The following PLCL1 variants were observed in gnomAD, a reference collection of about 807,000 sequenced individuals.
The protein encoded by PLCL1 is phospholipase C like 1 (inactive), also known as inactive phospholipase C-like protein 1.
A neutral mutation model predicts 84.4 loss-of-function variants in PLCL1; 41 were observed. The ratio of observed to expected loss-of-function variants is 0.49; its 90% CI spans 0.38 to 0.63. The LOEUF is 0.63. Among genes scored for constraint, PLCL1 ranks in the 30% least tolerant of loss-of-function variants. The pLI is 0.00. For synonymous variants in PLCL1, 490 were observed against 488.3 expected (o/e 1.00, Z -0.05); for missense variants, 1,206 against 1,367.8 (o/e 0.88, Z 1.87).
intron 1 of PLCL1, among the ~76,000 whole-genome samples, chr2:197,911,826 T>TCCAGTTTATGCTGCCCTTGAGTC (rs1688489686): frequency 6.6e-6 from 1 of 152,174 alleles, no homozygotes; most frequent in Non-Finnish European, 1.5e-5. Flanking sequence ...TGTCCCGAGT[T>TCCAGTTTATGCTGCCCTTGAGTC]CCAGTTTATG....
chr2:198,089,078 C>T lies in PLCL1; in HGVS notation c.2919+17C>T, dbSNP rs1256070330. The T allele has an allele frequency of 6.3e-7, 1 of 1,596,186 alleles. No homozygotes were observed. The highest frequency in any genetic ancestry group is 8.6e-7 in the Non-Finnish European group (1 of 1,164,126). Reference sequence around the variant, plus strand: ...TATGATCTGGTAGGAAATTGCGACTCCATATTTTTTTACGTGTGTGTGTGT... The same window carrying T: ...TATGATCTGGTAGGAAATTGCGACTTCATATTTTTTTACGTGTGTGTGTGT... On this transcript the variant is annotated intron_variant, in intron 3 of 5. Coordinates refer to ENST00000428675, the MANE Select transcript of PLCL1 (RefSeq NM_006226.4).
chr2:197,975,710 G>A (rs980096734), intron 1 of PLCL1, among the ~76,000 whole-genome samples: 7 of 152,128 alleles, frequency 4.6e-5, no homozygotes, highest in Non-Finnish European at 1.0e-4. Flanking sequence ...GGAGGCTGAG[G>A]CAGGAGGATT....
Position 197,847,388 on chromosome 2 carries a change from A to G in PLCL1, c.240+42049A>G, listed in dbSNP as rs1435369516. Among the ~76,000 whole-genome samples the G allele has an allele frequency of 3.3e-5, 5 of 152,194 alleles. 1 individual carries two copies. ...CACCCCAGAGGCAAATACTGTTAAC[A>G]GTTTCTAGTGGGTCTTTCATACAAT... On this transcript the variant is annotated intron_variant, in intron 1 of 5. Coordinates refer to ENST00000428675, the MANE Select transcript of PLCL1 (RefSeq NM_006226.4).
chr2:198,059,538 TTTGC>T (rs1692143466), intron 1 of PLCL1, among the ~76,000 whole-genome samples: 1 of 152,144 alleles, frequency 6.6e-6, no homozygotes, highest in Admixed American at 6.5e-5. Context: ...GAAGAAGTAC[TTTGC>T]TTGACAGAGA....
chr2:197,960,962 A>C, intron 1 of PLCL1, among the ~76,000 whole-genome samples: 1 of 152,076 alleles, frequency 6.6e-6, no homozygotes, highest in East Asian at 1.9e-4. Context: ...TTATAAATTT[A>C]TGCTCCACAG....
intron 5 of PLCL1, among the ~76,000 whole-genome samples, chr2:198,132,933 G>C (rs1247272348): frequency 6.6e-6 from 1 of 151,560 alleles, no homozygotes; most frequent in East Asian, 1.9e-4. Context: ...TAATGCCTAG[G>C]TTTTCTTCTA....
chr2:198,024,589 C>A (rs1433826845), intron 1 of PLCL1, among the ~76,000 whole-genome samples: 1 of 151,950 alleles, frequency 6.6e-6, no homozygotes, highest in African/African-American at 2.4e-5. Flanking sequence ...CATGGAGAAA[C>A]CCCAGCTGTA....
intron 1 of PLCL1, among the ~76,000 whole-genome samples, chr2:198,031,188 T>G (rs1691407917): frequency 7.0e-6 from 1 of 142,824 alleles, no homozygotes; most frequent in South Asian, 2.2e-4. Context: ...CTGGGCAACA[T>G]AGTGAGACCT....
chr2:197,826,029 G>T (rs1042453072), intron 1 of PLCL1, among the ~76,000 whole-genome samples: 1 of 151,888 alleles, frequency 6.6e-6, no homozygotes, highest in Non-Finnish European at 1.5e-5. Flanking sequence ...TTTACGACAG[G>T]GTCTATATAC....
chr2:197,998,078 T>A (rs1353098113), intron 1 of PLCL1, among the ~76,000 whole-genome samples: 1 of 151,746 alleles, frequency 6.6e-6, no homozygotes, highest in African/African-American at 2.4e-5. Context: ...GAGAGTGATA[T>A]GGAGCGAGAC....
chr2:198,140,519 G>T (rs1211780812), intron 5 of PLCL1, among the ~76,000 whole-genome samples: 1 of 152,046 alleles, frequency 6.6e-6, no homozygotes, highest in Non-Finnish European at 1.5e-5. Flanking sequence ...GATAAATAAA[G>T]CTATTGTAAC....
chr2:197,854,761 C>T (rs190440012), intron 1 of PLCL1, among the ~76,000 whole-genome samples: 97 of 152,170 alleles, frequency 6.4e-4, no homozygotes, highest in African/African-American at 2.2e-3. Flanking sequence ...TACTTAAGGG[C>T]CTGAAATTAC....
chr2:198,046,886 A>G (rs1050209731), intron 1 of PLCL1, among the ~76,000 whole-genome samples: 3 of 152,210 alleles, frequency 2.0e-5, no homozygotes, highest in Non-Finnish European at 4.4e-5. Context: ...TATATTCTGT[A>G]TCATAAATAT....
At chr2:198,003,993 A>T (rs1318695870) in intron 1 of PLCL1, among the ~76,000 whole-genome samples, 1 of 152,218 alleles carries the variant, frequency 6.6e-6, no homozygotes, top group Non-Finnish European at 1.5e-5. Flanking sequence ...CAATGCATGC[A>T]TAGGACCAGA....
chr2:197,921,591 C>G (rs946048916), intron 1 of PLCL1, among the ~76,000 whole-genome samples: 3 of 152,100 alleles, frequency 2.0e-5, no homozygotes, highest in African/African-American at 4.8e-5. Context: ...TTACCTAATA[C>G]TTGGAGAAAC....
At chr2:197,926,555 C>G (rs1259777616) in intron 1 of PLCL1, among the ~76,000 whole-genome samples, 1 of 152,120 alleles carries the variant, frequency 6.6e-6, no homozygotes, top group East Asian at 1.9e-4. Flanking sequence ...ACTTTGTATT[C>G]ATTTGATGTT....
At chr2:197,990,324 C>T (rs1256113586) in intron 1 of PLCL1, among the ~76,000 whole-genome samples, 1 of 152,146 alleles carries the variant, frequency 6.6e-6, no homozygotes, top group Non-Finnish European at 1.5e-5. Flanking sequence ...CCTTTTAAAG[C>T]AATGCAGCAG....
At chr2:198,000,723 C>T (rs1348408658) in intron 1 of PLCL1, among the ~76,000 whole-genome samples, 1 of 150,208 alleles carries the variant, frequency 6.7e-6, no homozygotes, top group African/African-American at 2.4e-5. Flanking sequence ...GAACAACCTG[C>T]TATCACTTTA....
chr2:198,126,565 C>T (rs978069486), intron 5 of PLCL1, among the ~76,000 whole-genome samples: 3 of 152,056 alleles, frequency 2.0e-5, no homozygotes, highest in South Asian at 4.1e-4. Flanking sequence ...ACCTAGATTC[C>T]AAATCTAGGT....
Sources: allele counts gnomAD v4.1 joint callset (sites outside exome capture counted in the v4.1 genomes callset), GRCh38; gene constraint gnomAD v4.1.1; transcripts MANE v1.5; gene names NCBI Gene and HGNC (gene_info 2026-07-23, HGNC 2026-07-21).